Variants in G2E3 observed in about 807,000 individuals in gnomAD.
G2E3 encodes G2/M-phase specific E3 ubiquitin protein ligase.
G2E3 carries 35 observed loss-of-function variants against 92.8 expected under a neutral mutation model. That is an observed-to-expected ratio of 0.38 (90% CI 0.29 to 0.50). The LOEUF (loss-of-function observed/expected upper bound fraction) is 0.50. Ranked by LOEUF, G2E3 falls within the 20% of genes least tolerant of loss-of-function variation. G2E3 has a pLI of 0.94. For synonymous variants in G2E3, 242 were observed against 272.4 expected (o/e 0.89, Z 1.10); for missense variants, 554 against 823.8 (o/e 0.67, Z 4.01).
intron 10 of G2E3, chr14:30,602,899 A>G (rs555520312): frequency 6.6e-6 from 1 of 152,302 alleles, no homozygotes; most frequent in East Asian, 1.9e-4. Flanking sequence ...GGTGTGCGCC[A>G]CTATGCCCTG....
At chr14:30,606,033 A>T (rs1276526102) in intron 11 of G2E3, among the ~76,000 whole-genome samples, 1 of 152,144 alleles carries the variant, frequency 6.6e-6, no homozygotes, top group Non-Finnish European at 1.5e-5. Flanking sequence ...TACATTCTTT[A>T]TAGCAATATT....
At chr14:30,605,254 A>G (rs893055471) in intron 10 of G2E3, among the ~76,000 whole-genome samples, 1 of 152,202 alleles carries the variant, frequency 6.6e-6, no homozygotes, top group African/African-American at 2.4e-5. Context: ...ATAATTATCT[A>G]TCAACTTTCT....
chr14:30,575,139 T>G (rs1879999088), intron 1 of G2E3, among the ~76,000 whole-genome samples: 2 of 152,360 alleles, frequency 1.3e-5, no homozygotes, highest in African/African-American at 4.8e-5. Flanking sequence ...AGATGGTATC[T>G]CATTGTAGTT....
chr14:30,616,624 C>A lies in G2E3; in HGVS notation c.*90C>A. 3.3e-6 allele frequency: 3 copies of A among 914,708 alleles called. No individual in the cohort carries two copies. Among genetic ancestry groups the A allele is most frequent in the Non-Finnish European group, 5.1e-6 (3 of 589,776 alleles). The allele number at this position is 914,708 out of a possible 1,614,324, so 56.7% of individuals were successfully genotyped here. ...CTAACCTTTTCATCATCACTTTGAA[C>A]AAACTAGTTAGCTTCTTGACCTAAT... On this transcript the variant is annotated 3_prime_UTR_variant, in exon 15 of 15. Transcript: ENST00000206595.
At chr14:30,571,450 T>C (rs1470955903) in intron 1 of G2E3, among the ~76,000 whole-genome samples, 1 of 152,052 alleles carries the variant, frequency 6.6e-6, no homozygotes, top group Non-Finnish European at 1.5e-5. Flanking sequence ...ATTAGAAAGT[T>C]CTTAATTTTG....
At chr14:30,561,962 T>G (rs1342455795) in intron 1 of G2E3, among the ~76,000 whole-genome samples, 1 of 152,148 alleles carries the variant, frequency 6.6e-6, no homozygotes, top group Admixed American at 6.5e-5. Flanking sequence ...AAATAAGTAT[T>G]GAAATTATAG....
intron 1 of G2E3, among the ~76,000 whole-genome samples, chr14:30,564,964 C>T (rs1283870055): frequency 6.6e-6 from 1 of 152,120 alleles, no homozygotes; most frequent in Admixed American, 6.6e-5. Flanking sequence ...TTTGTTTGAA[C>T]TGAAATATTT....
chr14:30,615,521 T>C lies in G2E3; in HGVS notation c.1846T>C (p.Tyr616His). 2 of 1,592,050 alleles carry C rather than the reference T, an allele frequency of 1.3e-6. No homozygotes were observed. The highest frequency in any genetic ancestry group is 1.7e-6 in the Non-Finnish European group (2 of 1,169,724). Residue 616 changes from tyrosine to histidine, a missense_variant, in exon 14 of 15, where the codon TAC becomes CAC. By Grantham distance (83) the Tyr-to-His change is moderately conservative. Coordinates refer to ENST00000206595, the MANE Select transcript of G2E3 (RefSeq NM_017769.5). ...GAAAGCTTTGGGGTTTTGGAACAGT[T>C]ACTTACAGGCTGTTGAAGGTATGTG... The part of the protein sequence containing the change: ...DVKALGFWNS[Y>H]LQAVEDGKST...
intron 14 of G2E3, among the ~76,000 whole-genome samples, chr14:30,615,910 T>G (rs1288905868): frequency 6.6e-6 from 1 of 152,196 alleles, no homozygotes; most frequent in Non-Finnish European, 1.5e-5. Context: ...AACAATGATA[T>G]TTATCATTGA....
intron 10 of G2E3, among the ~76,000 whole-genome samples, chr14:30,604,140 A>G (rs1474148173): frequency 6.6e-6 from 1 of 152,256 alleles, no homozygotes; most frequent in Non-Finnish European, 1.5e-5. Flanking sequence ...ACATGCAGTC[A>G]TATTTAGAAG....
At chr14:30,607,564 T>C (rs1351677448) in intron 11 of G2E3, among the ~76,000 whole-genome samples, 2 of 152,182 alleles carry the variant, frequency 1.3e-5, no homozygotes, top group Admixed American at 1.3e-4. Flanking sequence ...ATTATAATCT[T>C]AGGGACCACC....
At chr14:30,579,873 A>G (rs896852612) in intron 1 of G2E3, among the ~76,000 whole-genome samples, 3 of 152,218 alleles carry the variant, frequency 2.0e-5, no homozygotes, top group Non-Finnish European at 4.4e-5. Flanking sequence ...GATTGCACAT[A>G]CATTGTACTT....
At chr14:30,610,992 CCT>C (rs1246176765) in intron 12 of G2E3, among the ~76,000 whole-genome samples, 1 of 152,082 alleles carries the variant, frequency 6.6e-6, no homozygotes, top group Non-Finnish European at 1.5e-5. Context: ...TACAGATGGC[CCT>C]CTGTTTTCGA....
At chr14:30,569,856 C>G (rs1034635326) in intron 1 of G2E3, among the ~76,000 whole-genome samples, 6 of 152,154 alleles carry the variant, frequency 3.9e-5, no homozygotes, top group Admixed American at 6.5e-5. Flanking sequence ...TGACATTCCC[C>G]AAACATCCCA....
intron 1 of G2E3, among the ~76,000 whole-genome samples, chr14:30,569,088 T>A (rs1879606556): frequency 6.6e-6 from 1 of 152,296 alleles, no homozygotes; most frequent in African/African-American, 2.4e-5. Context: ...TGAGGTATAA[T>A]ATATATGCCA....
chr14:30,568,566 G>GT (rs1424212642), intron 1 of G2E3, among the ~76,000 whole-genome samples: 2 of 151,504 alleles, frequency 1.3e-5, no homozygotes, highest in Non-Finnish European at 2.9e-5. Context: ...ATATTTTTTA[G>GT]TTATATTCTT....
At chr14:30,560,766 C>G (rs758506984) in intron 1 of G2E3, 7 of 701,686 alleles carry the variant, frequency 1.0e-5, no homozygotes, top group South Asian at 3.0e-5. Context: ...AATGCTGATT[C>G]CTGCACTTCA....
At chr14:30,579,734 CACTA>C (rs1198730811) in intron 1 of G2E3, among the ~76,000 whole-genome samples, 1 of 152,166 alleles carries the variant, frequency 6.6e-6, no homozygotes, top group East Asian at 1.9e-4. Flanking sequence ...AGTGTATTCC[CACTA>C]ACTAACTCCT....
chr14:30,574,036 A>G (rs893607272), intron 1 of G2E3, among the ~76,000 whole-genome samples: 13 of 152,158 alleles, frequency 8.5e-5, no homozygotes, highest in African/African-American at 1.4e-4. Context: ...GGAAAGTTGC[A>G]AGAAAAGTAC....
Sources: allele counts gnomAD v4.1 joint callset (sites outside exome capture counted in the v4.1 genomes callset), GRCh38; gene constraint gnomAD v4.1.1; transcripts MANE v1.5; gene names NCBI Gene and HGNC (gene_info 2026-07-23, HGNC 2026-07-21).